The following ZNF711 variants were observed in gnomAD, a reference collection of about 807,000 sequenced individuals.
The protein encoded by ZNF711 is ZFX family zinc finger ZNF711, also known as zinc finger protein 711.
ZNF711 carries 3 observed loss-of-function variants against 43.5 expected under a neutral mutation model. The ratio of observed to expected loss-of-function variants is 0.07; its 90% CI spans 0.03 to 0.18. The LOEUF is 0.18. Among genes scored for constraint, ZNF711 ranks in the 10% least tolerant of loss-of-function variants. ZNF711 has a pLI of 1.00. For missense variants in ZNF711, 412 were observed against 604.0 expected, an observed-to-expected ratio of 0.68 and a Z score of 3.33; for synonymous variants, 209 against 207.7, an observed-to-expected ratio of 1.01 and a Z score of -0.06.
chrX:85,263,167 T>C (rs1421870466), intron 5 of ZNF711, among the ~76,000 whole-genome samples: 1 of 110,936 alleles, frequency 9.0e-6, no homozygotes, highest in Non-Finnish European at 1.9e-5. Flanking sequence ...CATATATTGT[T>C]TGAATATTAT....
At chrX:85,269,478 T>G (rs912507639) in intron 9 of ZNF711, among the ~76,000 whole-genome samples, 6 of 108,616 alleles carry the variant, frequency 5.5e-5, no homozygotes, top group Non-Finnish European at 1.1e-4. Context: ...ACTCCTGGGC[T>G]CAAGCAATCC....
chrX:85,246,604 A>G (rs957758327), intron 2 of ZNF711, among the ~76,000 whole-genome samples: 2 of 112,244 alleles, frequency 1.8e-5, no homozygotes, highest in African/African-American at 6.5e-5. Flanking sequence ...TGAAAAGGAG[A>G]TAAGTGCCTT....
chrX:85,244,524 TGAA>T (rs1928826300), intron 1 of ZNF711, among the ~76,000 whole-genome samples: 2 of 111,025 alleles, frequency 1.8e-5, no homozygotes, highest in Admixed American at 9.5e-5. Flanking sequence ...AACGGTGAAG[TGAA>T]GAATGCAGCG....
In ZNF711 at chrX:85,261,832, C is replaced by T. The variant is rs185348338; in HGVS notation, c.623-2443C>T. On this transcript the variant is annotated intron_variant, in intron 5 of 10. Transcript: ENST00000674551. ...ACTATTGGACTTGAATATTGCATACCTTACAACAAGCAAAACATTTAAGCT... is the reference window on the plus strand; with the variant it reads ...ACTATTGGACTTGAATATTGCATACTTTACAACAAGCAAAACATTTAAGCT... Among the ~76,000 whole-genome samples, 131 of 110,759 alleles carry T rather than the reference C, an allele frequency of 1.2e-3. 1 individual carries two copies. The highest frequency in any genetic ancestry group is 4.1e-3 in the African/African-American group (127 of 30,720).
At chrX:85,264,668 A>G (rs1930947503) in intron 6 of ZNF711, among the ~76,000 whole-genome samples, 1 of 111,249 alleles carries the variant, frequency 9.0e-6, no homozygotes, top group Non-Finnish European at 1.9e-5. Flanking sequence ...AAATGATTGG[A>G]GAGGATTTGG....
At chrX:85,249,244 C>A (rs1929333315) in intron 4 of ZNF711, among the ~76,000 whole-genome samples, 1 of 111,717 alleles carries the variant, frequency 9.0e-6, no homozygotes, top group Non-Finnish European at 1.9e-5. Flanking sequence ...CCCATGAATT[C>A]TTTAGTAGAG....
rs1931027460 is a variant in ZNF711 at position 85,265,568 on chromosome X, C to T, written c.916+313C>T. 5.4e-5 allele frequency among the ~76,000 whole-genome samples: 6 copies of T among 110,358 alleles called. No homozygotes were observed. The South Asian group carries it at 1.1e-3, about 21-fold the overall frequency. ...AATTACTGAGTACCTACTTTCTGTG[C>T]GTTACTGAATATGTTGCAAGATACT... On this transcript the variant is annotated intron_variant, in intron 7 of 10. Coordinates refer to ENST00000674551, the MANE Select transcript of ZNF711 (RefSeq NM_001330574.2).
At chrX:85,255,085 C>A (rs976684519) in intron 4 of ZNF711, among the ~76,000 whole-genome samples, 174 bp from the exon 5 acceptor site, 3 of 111,674 alleles carry the variant, frequency 2.7e-5, no homozygotes, top group Non-Finnish European at 5.6e-5. Flanking sequence ...TAACCCAATT[C>A]CTGGTTGTTG....
chrX:85,271,366 C>T lies in ZNF711; in HGVS notation c.1962C>T (p.His654=). The T allele has an allele frequency of 8.3e-7, 1 of 1,210,653 alleles. No individual in the cohort carries two copies. The highest frequency in any genetic ancestry group is 1.1e-6 in the Non-Finnish European group (1 of 895,012). The change falls in exon 11 of 11, where the codon CAC becomes CAT. Residue 654 remains histidine (H), a synonymous_variant. Coordinates refer to ENST00000674551, the MANE Select transcript of ZNF711 (RefSeq NM_001330574.2). Reference sequence around the variant, plus strand: ...CCAATTCAAGTGACCTTAAGCGGCACATCATATCTGTCCATACTAAGGATT... The same window carrying T: ...CCAATTCAAGTGACCTTAAGCGGCATATCATATCTGTCCATACTAAGGATT... ...KSTNSSDLKR[H]IISVHTKDFP... is the part of the protein sequence containing the mutation.
intron 5 of ZNF711, among the ~76,000 whole-genome samples, chrX:85,260,217 C>A (rs1240809152): frequency 9.0e-6 from 1 of 110,764 alleles, no homozygotes; most frequent in Non-Finnish European, 1.9e-5. Flanking sequence ...ATATGTTGAA[C>A]CACCCTTTCA....
chrX:85,247,234 T>C, intron 3 of ZNF711, 46 bp downstream of exon 3: 1 of 311,555 alleles, frequency 3.2e-6, no homozygotes. Flanking sequence ...GTTCTTCTTT[T>C]ATAACCTATG....
chrX:85,250,523 T>G (rs990218642), intron 4 of ZNF711, among the ~76,000 whole-genome samples: 1 of 112,110 alleles, frequency 8.9e-6, no homozygotes, highest in Admixed American at 9.5e-5. Context: ...CACTTATTGT[T>G]GTTTTTGTTG....
chrX:85,262,338 G>A (rs776321227), intron 5 of ZNF711, among the ~76,000 whole-genome samples: 1 of 110,312 alleles, frequency 9.1e-6, no homozygotes, highest in South Asian at 3.7e-4. Context: ...AACTGTGATC[G>A]CTTTAAACTA....
intron 9 of ZNF711, 78 bp from the exon 10 acceptor site, chrX:85,269,925 A>T (rs947235528): frequency 9.6e-7 from 1 of 1,046,073 alleles, no homozygotes; most frequent in South Asian, 1.9e-5. Context: ...GTGTCATGTC[A>T]TCTGTAGTAA....
chrX:85,244,639 T>C (rs954372708), intron 1 of ZNF711: 1 of 110,139 alleles, frequency 9.1e-6, no homozygotes, highest in Admixed American at 9.6e-5. Context: ...ATAGTAACCT[T>C]TGGAATGCGC....
At position 85,254,651 on chromosome X, in the gene ZNF711, A is replaced by T. The variant is rs1165256392; in HGVS notation, c.80-608A>T. ...AAAAAAAAAAAAAAAAAAAAAAAAA[A>T]ATTAGCCGGGCGCAGTGGCGGGCGC... On this transcript the variant is annotated intron_variant, in intron 4 of 10. Coordinates refer to ENST00000674551, the MANE Select transcript of ZNF711 (RefSeq NM_001330574.2). Among the ~76,000 whole-genome samples, 4 of 81,442 alleles carry T rather than the reference A, an allele frequency of 4.9e-5. 1 individual carries two copies. Among genetic ancestry groups the T allele is most frequent in the African/African-American group, 2.2e-4 (4 of 18,568 alleles). The allele number at this position is 81,442 out of a possible 115,157, so 70.7% of individuals were successfully genotyped here.
intron 5 of ZNF711, among the ~76,000 whole-genome samples, chrX:85,260,891 C>G (rs1172813439): frequency 9.0e-6 from 1 of 111,448 alleles, no homozygotes; most frequent in Non-Finnish European, 1.9e-5. Context: ...TAACAGCCTA[C>G]TGTTGACCAG....
chrX:85,246,625 C>T (rs1208636937), intron 2 of ZNF711, among the ~76,000 whole-genome samples: 1 of 112,082 alleles, frequency 8.9e-6, no homozygotes, highest in Non-Finnish European at 1.9e-5. Flanking sequence ...ATAAAATTGA[C>T]AGGTTTTTGT....
chrX:85,245,101 G>T (rs746522035), intron 1 of ZNF711, among the ~76,000 whole-genome samples: 155 of 111,932 alleles, frequency 1.4e-3, no homozygotes, highest in African/African-American at 4.5e-3. Context: ...CTGCAATACT[G>T]CTACTTGCCA....
Sources: gnomAD v4.1 joint callset for allele counts (sites outside exome capture counted in the v4.1 genomes callset) on GRCh38, gnomAD v4.1.1 for gene constraint, MANE v1.5 for transcripts, NCBI Gene and HGNC (gene_info 2026-07-23, HGNC 2026-07-21) for gene names.